Variants in ZNF385B observed in about 807,000 individuals in gnomAD.
ZNF385B encodes zinc finger protein 533.
In ZNF385B, 23 loss-of-function variants were observed where a neutral mutation model predicts 39.2. The observed-to-expected ratio is 0.59, with a 90% CI of 0.42 to 0.83. The LOEUF is 0.83. Among genes scored for constraint, ZNF385B ranks in the 40% least tolerant of loss-of-function variants. The pLI is 0.00. For synonymous variants in ZNF385B, 205 were observed against 222.6 expected, an observed-to-expected ratio of 0.92 and a Z score of 0.70; for missense variants, 552 against 598.9, an observed-to-expected ratio of 0.92 and a Z score of 0.82.
intron 3 of ZNF385B, among the ~76,000 whole-genome samples, chr2:179,633,711 G>A (rs1691458650): frequency 6.6e-6 from 1 of 152,148 alleles, no homozygotes; most frequent in Admixed American, 6.5e-5. Flanking sequence ...AGGGCAATCA[G>A]GCAAGGGAAA....
At chr2:179,680,350 TAC>T (rs1697405219) in intron 3 of ZNF385B, among the ~76,000 whole-genome samples, 2 of 152,200 alleles carry the variant, frequency 1.3e-5, no homozygotes, top group Non-Finnish European at 2.9e-5. Context: ...ACTATGGTTA[TAC>T]ATAACATCTC....
At chr2:179,635,508 T>C (rs184705219) in intron 3 of ZNF385B, among the ~76,000 whole-genome samples, 40 of 152,124 alleles carry the variant, frequency 2.6e-4, no homozygotes, top group Admixed American at 1.6e-3. Flanking sequence ...GTTATGCACA[T>C]GTACCCTAGA....
At chr2:179,542,094 G>A (rs775334335) in intron 4 of ZNF385B, among the ~76,000 whole-genome samples, 18 of 152,112 alleles carry the variant, frequency 1.2e-4, no homozygotes, top group South Asian at 2.1e-4. Flanking sequence ...ATGTAATAGC[G>A]TTTTCCTAGG....
In ZNF385B at chr2:179,851,853, T is replaced by C. The variant is rs575642294; in HGVS notation, c.-155+9248A>G. ...TTTCTTGCTATAATTCTTAATAATT[T>C]CTTAATAATTCAGAAATGTGATTTC... On this transcript the variant is annotated intron_variant, in intron 1 of 9. Transcript: ENST00000410066. Among the ~76,000 whole-genome samples the C allele has an allele frequency of 3.9e-5, 6 of 152,324 alleles. No homozygotes were observed. The East Asian group carries it at 5.8e-4, about 15-fold the overall frequency.
chr2:179,804,071 C>T (rs1483715213), intron 1 of ZNF385B, among the ~76,000 whole-genome samples: 3 of 152,168 alleles, frequency 2.0e-5, no homozygotes, highest in Admixed American at 1.3e-4. Flanking sequence ...CCCTGTTCTG[C>T]TTATCATCAT....
chr2:179,730,756 T>C (rs1010124420), intron 3 of ZNF385B, among the ~76,000 whole-genome samples: 4 of 152,044 alleles, frequency 2.6e-5, no homozygotes, highest in Admixed American at 6.6e-5. Context: ...TATATGTACA[T>C]GCAGCTTAGT....
rs536667929 is a variant in ZNF385B, at chr2:179,810,202, A to T, written c.-154-39530T>A. On this transcript the variant is annotated intron_variant, in intron 1 of 9. Transcript: ENST00000410066. ...CAGATAGGAAGAGCTTTTAAAAAAA[A>T]TTTTTAAGTGATTGTTTTATAAAGG... Among the ~76,000 whole-genome samples, 13 of 152,030 alleles carry T rather than the reference A, an allele frequency of 8.6e-5. No individual in the cohort carries two copies. In the East Asian group the frequency reaches 1.9e-3, roughly 23 times the overall value.
At chr2:179,689,747 A>C (rs1698200658) in intron 3 of ZNF385B, among the ~76,000 whole-genome samples, 1 of 151,890 alleles carries the variant, frequency 6.6e-6, no homozygotes, top group Admixed American at 6.6e-5. Flanking sequence ...CCAGCAAAAG[A>C]CAAGACTACA....
In ZNF385B at chr2:179,752,277, T is replaced by A. The variant is rs1185486508; in HGVS notation, c.298+17226A>T. Among the ~76,000 whole-genome samples, 3 of 152,246 alleles carry A rather than the reference T, an allele frequency of 2.0e-5. 1 individual carries two copies. The highest frequency in any genetic ancestry group is 4.1e-4 in the South Asian group (2 of 4,832). On this transcript the variant is annotated intron_variant, in intron 3 of 9. Transcript: ENST00000410066. ...AAGGACGTGAACTCATCATTTTTTA[T>A]GGCTGCATAGTATTCCATGGTGTAT...
intron 4 of ZNF385B, among the ~76,000 whole-genome samples, chr2:179,538,244 T>C (rs915716361): frequency 6.6e-6 from 1 of 152,142 alleles, no homozygotes; most frequent in Non-Finnish European, 1.5e-5. Context: ...AATTAACATT[T>C]GGGTTGCAAA....
intron 3 of ZNF385B, among the ~76,000 whole-genome samples, chr2:179,748,599 G>A (rs1702508806): frequency 6.6e-6 from 1 of 152,002 alleles, no homozygotes; most frequent in Non-Finnish European, 1.5e-5. Context: ...TTGCAATAGA[G>A]GTTCTTTAAA....
intron 3 of ZNF385B, among the ~76,000 whole-genome samples, chr2:179,696,325 A>ATTTTTT (rs1333224792): frequency 9.7e-3 from 95 of 9,758 alleles, no homozygotes; most frequent in Non-Finnish European, 0.013. Flanking sequence ...ACAAACTGGG[A>ATTTTTT]CTTTTTTTTT....
chr2:179,690,413 T>G (rs1416880960), intron 3 of ZNF385B, among the ~76,000 whole-genome samples: 1 of 152,206 alleles, frequency 6.6e-6, no homozygotes, highest in African/African-American at 2.4e-5. Flanking sequence ...CCTGCAGAAC[T>G]TGTATATAAG....
intron 1 of ZNF385B, among the ~76,000 whole-genome samples, chr2:179,817,407 C>T (rs1274592647): frequency 6.6e-6 from 1 of 152,172 alleles, no homozygotes; most frequent in East Asian, 1.9e-4. Context: ...TTCACTTTCA[C>T]ATATTAAAGC....
intron 3 of ZNF385B, among the ~76,000 whole-genome samples, chr2:179,703,237 G>C (rs1306898227): frequency 6.6e-6 from 1 of 152,114 alleles, no homozygotes; most frequent in East Asian, 1.9e-4. Context: ...CAACCTATCT[G>C]ATATGCACCT....
In ZNF385B at chr2:179,505,759, G is replaced by A. The variant is rs146423149; in HGVS notation, c.552+12769C>T. 2.3e-3 allele frequency among the ~76,000 whole-genome samples: 355 copies of A among 152,194 alleles called. 3 individuals are homozygous for A. The highest frequency in any genetic ancestry group is 8.2e-3 in the African/African-American group (340 of 41,502). Reference sequence around the variant, plus strand: ...CGAATAACAAATGTCACTGGTATACGGAAGGTAGGGATGTGGGACAGTTCA... The same window carrying A: ...CGAATAACAAATGTCACTGGTATACAGAAGGTAGGGATGTGGGACAGTTCA... On this transcript the variant is annotated intron_variant, in intron 5 of 9. Coordinates refer to ENST00000410066, the MANE Select transcript of ZNF385B (RefSeq NM_152520.6).
At chr2:179,566,123 C>T (rs1684548667) in intron 3 of ZNF385B, among the ~76,000 whole-genome samples, 1 of 152,222 alleles carries the variant, frequency 6.6e-6, no homozygotes, top group South Asian at 2.1e-4. Flanking sequence ...CTGCTGCATA[C>T]TACCTGATTA....
intron 4 of ZNF385B, among the ~76,000 whole-genome samples, chr2:179,539,748 A>T (rs2059800225): frequency 6.6e-6 from 1 of 152,200 alleles, no homozygotes; most frequent in Non-Finnish European, 1.5e-5. Context: ...AATAACAAAA[A>T]ATGAAAACAT....
intron 5 of ZNF385B, among the ~76,000 whole-genome samples, chr2:179,495,722 A>G (rs1559342732): frequency 6.6e-6 from 1 of 152,166 alleles, no homozygotes; most frequent in Non-Finnish European, 1.5e-5. Context: ...GGTAATCCAG[A>G]GAATCTTCCC....
Sources: gnomAD v4.1 joint callset for allele counts (sites outside exome capture counted in the v4.1 genomes callset) on GRCh38, gnomAD v4.1.1 for gene constraint, MANE v1.5 for transcripts, NCBI Gene and HGNC (gene_info 2026-07-23, HGNC 2026-07-21) for gene names.